ZNF37A: variants seen among roughly 807,000 people sequenced by gnomAD.
ZNF37A encodes zinc finger protein 37a (KOX 21).
In ZNF37A, 10 loss-of-function variants were observed where a neutral mutation model predicts 12.3. That is an observed-to-expected ratio of 0.82 (90% CI 0.50 to 1.38). ZNF37A has a LOEUF of 1.38. Ranked by LOEUF, ZNF37A falls within the 40% of genes most tolerant of loss-of-function variation. ZNF37A has a pLI of 0.00. For synonymous variants in ZNF37A, 207 were observed against 223.0 expected (o/e 0.93, Z 0.64); for missense variants, 580 against 651.2 (o/e 0.89, Z 1.19).
intron 7 of ZNF37A, among the ~76,000 whole-genome samples, chr10:38,135,202 T>C (rs1191638713): frequency 6.6e-6 from 1 of 152,092 alleles, no homozygotes; most frequent in Non-Finnish European, 1.5e-5. Flanking sequence ...TTGGCCAACA[T>C]TGTGAAACCC....
At chr10:38,133,186 T>A (rs999410773) in intron 7 of ZNF37A, among the ~76,000 whole-genome samples, 6 of 152,234 alleles carry the variant, frequency 3.9e-5, no homozygotes, top group Admixed American at 3.9e-4. Flanking sequence ...AGATTTTGTA[T>A]TGAAATTGTT....
At position 38,117,558 on chromosome 10, in the gene ZNF37A, A is replaced by C; in HGVS notation, c.407A>C (p.His136Pro). 9.3e-6 allele frequency: 15 copies of C among 1,613,412 alleles called. No individual in the cohort carries two copies. Among genetic ancestry groups the C allele is most frequent in the Non-Finnish European group, 1.3e-5 (15 of 1,179,820 alleles). Residue 136 changes from histidine to proline, a missense_variant, in exon 8 of 8, where the codon CAT becomes CCT. Physicochemically the swap from His to Pro is moderately conservative, Grantham distance 77. Transcript: ENST00000685332. ...TGGCTGAATGAAGACCTCATTTGGC[A>C]TCAGAAAATTAAAAATTGGGAACAA... ...SFWLNEDLIW[H>P]QKIKNWEQSF... is the part of the protein sequence containing the mutation.
rs751152111 is a variant in ZNF37A, at chr10:38,117,638, G to T, written c.487G>T (p.Val163Leu). The change falls in exon 8 of 8, where the codon GTA becomes TTA. Residue 163 changes from valine to leucine, a missense_variant. Coordinates refer to ENST00000685332, the MANE Select transcript of ZNF37A (RefSeq NM_001324250.3). ...TTTCCCTGAGAATTCACTCTTCCTT[G>T]TACATAAGAGAGGTTACACAGGACA... ...KAFPENSLFLVHKRGYTGQKT... is the reference protein window; with the variant it reads ...KAFPENSLFLLHKRGYTGQKT... The T allele has an allele frequency of 2.5e-6, 4 of 1,613,834 alleles. No individual in the cohort carries two copies. Among genetic ancestry groups the T allele is most frequent in the Non-Finnish European group, 3.4e-6 (4 of 1,179,956 alleles).
chr10:38,143,083 G>A (rs1372009015), intron 7 of ZNF37A: 1 of 152,146 alleles, frequency 6.6e-6, no homozygotes, highest in Non-Finnish European at 1.5e-5. Flanking sequence ...CCTTCCTTGA[G>A]TCCCAGGTCC....
chr10:38,128,727 A>G (rs1268503566), downstream of ZNF37A, among the ~76,000 whole-genome samples: 1 of 152,144 alleles, frequency 6.6e-6, no homozygotes, highest in African/African-American at 2.4e-5. Flanking sequence ...GTTCACGTCC[A>G]GTGGGCATGA....
chr10:38,117,325 A>T (rs1317089573), intron 7 of ZNF37A, 65 bp from the exon 8 acceptor site: 26 of 1,522,048 alleles, frequency 1.7e-5, no homozygotes, highest in Admixed American at 2.3e-5. Context: ...CTTCAAATAT[A>T]ATGCTAAGTT....
intron 5 of ZNF37A, among the ~76,000 whole-genome samples, chr10:38,105,506 C>G (rs2067991203): frequency 6.6e-6 from 1 of 152,192 alleles, no homozygotes; most frequent in Non-Finnish European, 1.5e-5. Flanking sequence ...TTTATGTAAG[C>G]TTATCAAAAA....
At chr10:38,131,217 C>T (rs186518580) in intron 7 of ZNF37A, among the ~76,000 whole-genome samples, 31 of 152,200 alleles carry the variant, frequency 2.0e-4, no homozygotes, top group Admixed American at 7.2e-4. Context: ...TTGATCAAGT[C>T]CAATTGACCA....
chr10:38,112,922 C>G (rs1038583053), intron 5 of ZNF37A, among the ~76,000 whole-genome samples: 4 of 152,194 alleles, frequency 2.6e-5, no homozygotes, highest in Non-Finnish European at 4.4e-5. Context: ...ATTCTCCTGT[C>G]TCAGCCTCCC....
exon 8 of ZNF37A, chr10:38,148,169 T>C (rs1326544194): frequency 2.0e-5 from 3 of 152,128 alleles, no homozygotes; most frequent in Non-Finnish European, 4.4e-5. Context: ...GAGACAGGCA[T>C]ATTGGCATCC....
chr10:38,117,351 TC>T, intron 7 of ZNF37A, 38 bp from the exon 8 acceptor site: 1 of 1,530,768 alleles, frequency 6.5e-7, no homozygotes, highest in Non-Finnish European at 8.7e-7. Flanking sequence ...CTCTTACATA[TC>T]CTCGTCAACT....
At position 38,112,793 on chromosome 10, in the gene ZNF37A, T is replaced by TTCTTGTCTTGTCTTGTCTTG. The variant is rs1224905450; in HGVS notation, c.16-1943_16-1942insGTCTTGTCTTGTCTTGTCTT. 3.2e-3 allele frequency among the ~76,000 whole-genome samples: 156 copies of TTCTTGTCTTGTCTTGTCTTG among 48,758 alleles called. 19 individuals are homozygous for TTCTTGTCTTGTCTTGTCTTG. Among genetic ancestry groups the TTCTTGTCTTGTCTTGTCTTG allele is most frequent in the Admixed American group, 5.3e-3 (20 of 3,770 alleles). 32.0% of individuals were successfully genotyped at this position (48,758 alleles called of 152,430 possible). ...TTCTTTTCTTTTCTTTTCTTTTCTTTTCTTGTCTTGTCTTGTCTTCTTTTC... is the reference window on the plus strand; with the variant it reads ...TTCTTTTCTTTTCTTTTCTTTTCTTTTCTTGTCTTGTCTTGTCTTGTCTTGTCTTGTCTTGTCTTCTTTTC... On this transcript the variant is annotated intron_variant, in intron 5 of 7. Coordinates refer to ENST00000685332, the MANE Select transcript of ZNF37A (RefSeq NM_001324250.3).
chr10:38,130,328 C>CTG (rs2070005091), downstream of ZNF37A, among the ~76,000 whole-genome samples: 1 of 152,188 alleles, frequency 6.6e-6, no homozygotes, highest in Non-Finnish European at 1.5e-5. Flanking sequence ...AATGATGTGC[C>CTG]TGTGTACAGT....
intron 7 of ZNF37A, among the ~76,000 whole-genome samples, chr10:38,131,607 C>A (rs1257503146): frequency 6.6e-6 from 1 of 151,962 alleles, no homozygotes; most frequent in Non-Finnish European, 1.5e-5. Context: ...GTAGGAGTAC[C>A]CCAAATTTAT....
At chr10:38,102,225 C>G (rs888979177) in intron 5 of ZNF37A, among the ~76,000 whole-genome samples, 5 of 152,008 alleles carry the variant, frequency 3.3e-5, no homozygotes, top group African/African-American at 1.2e-4. Context: ...TGCCATTTTG[C>G]TATTTATTTT....
chr10:38,099,260 C>T (rs1004122211), intron 5 of ZNF37A, among the ~76,000 whole-genome samples: 8 of 152,250 alleles, frequency 5.3e-5, no homozygotes, highest in African/African-American at 1.9e-4. Flanking sequence ...AATTCTGTAC[C>T]TATTAAACAG....
intron 5 of ZNF37A, among the ~76,000 whole-genome samples, chr10:38,110,247 A>G (rs1415063421): frequency 6.6e-6 from 1 of 152,182 alleles, no homozygotes; most frequent in Admixed American, 6.5e-5. Flanking sequence ...AGGAGTCCCT[A>G]CTTAATAAAT....
chr10:38,102,412 A>G (rs2067668812), intron 5 of ZNF37A, among the ~76,000 whole-genome samples: 1 of 152,154 alleles, frequency 6.6e-6, no homozygotes, highest in African/African-American at 2.4e-5. Flanking sequence ...CATTAATACC[A>G]ACTAAGCCTT....
intron 5 of ZNF37A, among the ~76,000 whole-genome samples, chr10:38,108,243 A>G (rs2068307217): frequency 1.3e-5 from 2 of 152,200 alleles, no homozygotes; most frequent in South Asian, 4.1e-4. Context: ...CCTGCTCCTG[A>G]ATGGCTACTG....
Sources: allele counts gnomAD v4.1 joint callset (sites outside exome capture counted in the v4.1 genomes callset), GRCh38; gene constraint gnomAD v4.1.1; transcripts MANE v1.5; gene names NCBI Gene and HGNC (gene_info 2026-07-23, HGNC 2026-07-21).